Variants in ARMC3 observed in about 807,000 individuals in gnomAD.
ARMC3 encodes the protein armadillo repeat-containing protein 3.
A neutral mutation model predicts 90.3 loss-of-function variants in ARMC3; 74 were observed. The observed-to-expected ratio is 0.82, with a 90% confidence interval of 0.68 to 0.99. ARMC3 has a LOEUF of 0.99. Ranked by LOEUF, ARMC3 falls within the 50% of genes least tolerant of loss-of-function variation. ARMC3 has a pLI of 0.00. For synonymous variants in ARMC3, 334 were observed against 361.8 expected, an observed-to-expected ratio of 0.92 and a Z score of 0.87; for missense variants, 958 against 1,042.8, an observed-to-expected ratio of 0.92 and a Z score of 1.12.
At chr10:23,021,527 C>T (rs148591264) in intron 16 of ARMC3, among the ~76,000 whole-genome samples, 2,126 of 152,114 alleles carry the variant, frequency 0.014, 36 homozygotes, top group Middle Eastern at 0.048. Flanking sequence ...TGGTGTGAGA[C>T]GGTATTCTCA....
intron 8 of ARMC3, among the ~76,000 whole-genome samples, chr10:22,978,511 G>C (rs1436891084): frequency 6.6e-6 from 1 of 152,158 alleles, no homozygotes; most frequent in Non-Finnish European, 1.5e-5. Context: ...TTCAAGATGA[G>C]ATTTGTTTGG....
chr10:22,975,530 A>T (rs993635917), intron 8 of ARMC3, among the ~76,000 whole-genome samples: 1 of 152,140 alleles, frequency 6.6e-6, no homozygotes, highest in African/African-American at 2.4e-5. Flanking sequence ...GCACCATCGC[A>T]CTCCAGCCTG....
chr10:23,012,020 C>T (rs564014316), intron 16 of ARMC3, among the ~76,000 whole-genome samples: 1 of 152,296 alleles, frequency 6.6e-6, no homozygotes, highest in Admixed American at 6.5e-5. Flanking sequence ...TCAAAGTGCA[C>T]CTTTCCCTCT....
chr10:22,980,166 A>G (rs543208749), intron 8 of ARMC3, among the ~76,000 whole-genome samples: 176 of 152,312 alleles, frequency 1.2e-3, no homozygotes, highest in African/African-American at 3.8e-3. Context: ...CCACATGTAA[A>G]TATTGTAACC....
At chr10:22,935,009 C>A (rs528852407) in intron 2 of ARMC3, among the ~76,000 whole-genome samples, 1 of 152,274 alleles carries the variant, frequency 6.6e-6, no homozygotes, top group East Asian at 1.9e-4. Flanking sequence ...AAATTGTAGT[C>A]TTTTAATATT....
At chr10:22,998,450 G>C in intron 11 of ARMC3, 53 bp downstream of exon 11, 1 of 1,590,526 alleles carries the variant, frequency 6.3e-7, no homozygotes, top group Admixed American at 1.7e-5. Context: ...GTACCTACTG[G>C]TGGATTCATT....
intron 8 of ARMC3, among the ~76,000 whole-genome samples, chr10:22,979,287 C>G (rs527696369): frequency 6.6e-6 from 1 of 152,156 alleles, no homozygotes; most frequent in Non-Finnish European, 1.5e-5. Flanking sequence ...AACACAAATA[C>G]TCCTTGGTGT....
chr10:22,949,284 G>GA lies in ARMC3; in HGVS notation c.166+3029dup, dbSNP rs747959832. ...AAATTACCAGGCATGAAAAAAAGCA[G>GA]AAAAAACGCATAATAAGATATATAT... On this transcript the variant is annotated intron_variant, in intron 3 of 18. Coordinates refer to ENST00000298032, the MANE Select transcript of ARMC3 (RefSeq NM_173081.5). Among the ~76,000 whole-genome samples the GA allele has an allele frequency of 3.9e-5, 6 of 152,072 alleles. No homozygotes were observed. In the East Asian group the frequency reaches 5.8e-4, roughly 15 times the overall value.
At chr10:23,005,285 A>C (rs1837541352) in intron 13 of ARMC3, among the ~76,000 whole-genome samples, 1 of 152,098 alleles carries the variant, frequency 6.6e-6, no homozygotes, top group African/African-American at 2.4e-5. Flanking sequence ...AAGCCGAAAA[A>C]CGATCGCAGA....
At chr10:23,000,316 T>G (rs1837221950) in intron 11 of ARMC3, among the ~76,000 whole-genome samples, 1 of 152,042 alleles carries the variant, frequency 6.6e-6, no homozygotes, top group Admixed American at 6.6e-5. Context: ...CCTGATAAAT[T>G]CCTATTAGTT....
In ARMC3 at chr10:22,961,896, C is replaced by T. The variant is rs201134940; in HGVS notation, c.550C>T (p.Arg184Ter). The T allele has an allele frequency of 1.1e-5, 17 of 1,602,024 alleles. No individual in the cohort carries two copies. The highest frequency in any genetic ancestry group is 3.5e-5 in the Admixed American group (2 of 56,668). Residue 184 changes from arginine (R) to a stop codon, truncating the protein, a stop_gained, in exon 7 of 19, where the codon CGA becomes TGA. Transcript: ENST00000298032. LOFTEE classifies it high-confidence loss of function. Reference protein sequence around the residue: ...IYNLVQDFQCRAKLQELNAIP... With the variant: ...IYNLVQDFQC ...TATTTTGTGGCAGGATTTTCAGTGT[C>T]GAGCTAAACTTCAAGAACTAAATGC...
chr10:23,023,274 A>G (rs1359322248), intron 16 of ARMC3, among the ~76,000 whole-genome samples: 1 of 152,162 alleles, frequency 6.6e-6, no homozygotes, highest in Non-Finnish European at 1.5e-5. Context: ...GCAGAAAAAC[A>G]CGTACACTCA....
At chr10:23,008,983 G>A (rs1837786015) in intron 16 of ARMC3, 52 bp downstream of exon 16, 1 of 1,476,372 alleles carries the variant, frequency 6.8e-7, no homozygotes, top group South Asian at 1.2e-5. Flanking sequence ...GTGGAAGGGA[G>A]GGGTGGCTCT....
At chr10:22,963,245 A>G (rs1267551313) in intron 7 of ARMC3, among the ~76,000 whole-genome samples, 1 of 152,180 alleles carries the variant, frequency 6.6e-6, no homozygotes, top group Non-Finnish European at 1.5e-5. Context: ...AAGTATTGAT[A>G]ATAATTCTAT....
intron 7 of ARMC3, among the ~76,000 whole-genome samples, chr10:22,963,688 G>A (rs975234988): frequency 2.6e-5 from 4 of 151,856 alleles, no homozygotes; most frequent in East Asian, 1.9e-4. Flanking sequence ...TCAGGAGATC[G>A]AGACCGTCTT....
chr10:23,018,748 C>A (rs1838390222), intron 16 of ARMC3, among the ~76,000 whole-genome samples: 1 of 152,118 alleles, frequency 6.6e-6, no homozygotes, highest in African/African-American at 2.4e-5. Context: ...GATCTTCTGA[C>A]CTCGTGATCC....
chr10:22,981,042 G>T (rs1203730548), intron 8 of ARMC3, among the ~76,000 whole-genome samples: 2 of 152,194 alleles, frequency 1.3e-5, no homozygotes, highest in Non-Finnish European at 2.9e-5. Flanking sequence ...CAGGTCAGGT[G>T]CATGACAGGT....
At position 23,037,925 on chromosome 10, in the gene ARMC3, A is replaced by G. The variant is rs929819785; in HGVS notation, c.*446A>G. 6.5e-6 allele frequency: 1 copy of G among 153,186 alleles called. No individual in the cohort carries two copies. Among genetic ancestry groups the G allele is most frequent in the African/African-American group, 2.4e-5 (1 of 41,478 alleles). 9.5% of individuals were successfully genotyped at this position (153,186 alleles called of 1,614,324 possible). A position where few individuals can be genotyped will look rare whatever the true frequency, so the allele number is the denominator to read the frequency against. ...TTTGCAATCACCTTGTCTCAGTTTC[A>G]TTTAAGATTTTGATAGTTTAGATAG... On this transcript the variant is annotated 3_prime_UTR_variant, in exon 19 of 19. Coordinates refer to ENST00000298032, the MANE Select transcript of ARMC3 (RefSeq NM_173081.5).
At chr10:22,946,787 A>G (rs1834545282) in intron 3 of ARMC3, 1 of 152,314 alleles carries the variant, frequency 6.6e-6, no homozygotes, top group Non-Finnish European at 1.5e-5. Flanking sequence ...TTATTTCCAA[A>G]GAGTACAATG....
Sources: allele counts gnomAD v4.1 joint callset (sites outside exome capture counted in the v4.1 genomes callset), GRCh38; gene constraint gnomAD v4.1.1; transcripts MANE v1.5; gene names NCBI Gene and HGNC (gene_info 2026-07-23, HGNC 2026-07-21).